FOXN2: variants seen among roughly 807,000 people sequenced by gnomAD.
The protein encoded by FOXN2 is forkhead box N2.
Under a neutral mutation model 41.2 loss-of-function variants are expected in FOXN2, and 19 were observed. The observed-to-expected ratio is 0.46, with a 90% CI of 0.32 to 0.68. The LOEUF is 0.68. Ranked by LOEUF, FOXN2 falls within the 30% of genes least tolerant of loss-of-function variation. FOXN2 has a pLI of 0.03. For missense variants in FOXN2, 587 were observed against 509.4 expected, an observed-to-expected ratio of 1.15 and a Z score of -1.47; for synonymous variants, 195 against 176.8, an observed-to-expected ratio of 1.10 and a Z score of -0.82.
intron 2 of FOXN2, among the ~76,000 whole-genome samples, chr2:48,339,246 C>G (rs1670575622): frequency 1.3e-5 from 2 of 152,218 alleles, no homozygotes; most frequent in African/African-American, 4.8e-5. Context: ...GGCTCTGAGT[C>G]CCCACCCAGA....
intron 2 of FOXN2, among the ~76,000 whole-genome samples, chr2:48,331,377 G>C (rs1558615815): frequency 6.6e-6 from 1 of 152,126 alleles, no homozygotes. Context: ...AATTAAAATT[G>C]AAAATGTAGC....
At chr2:48,331,157 T>A (rs1007597762) in intron 2 of FOXN2, among the ~76,000 whole-genome samples, 1 of 152,128 alleles carries the variant, frequency 6.6e-6, no homozygotes, top group Non-Finnish European at 1.5e-5. Context: ...AAGGAAAAAA[T>A]TAATTTGCCT....
chr2:48,327,119 G>A (rs1002620019), intron 1 of FOXN2, among the ~76,000 whole-genome samples: 15 of 151,810 alleles, frequency 9.9e-5, no homozygotes, highest in African/African-American at 3.1e-4. Flanking sequence ...TTTACGTCAC[G>A]TATATCCCAA....
chr2:48,349,409 C>G (rs57537506), intron 3 of FOXN2, among the ~76,000 whole-genome samples: 2 of 151,912 alleles, frequency 1.3e-5, no homozygotes, highest in Non-Finnish European at 2.9e-5. Context: ...TTTGAACCCT[C>G]GGAGGTTGCA....
chr2:48,328,278 T>C (rs1268683391), intron 1 of FOXN2, among the ~76,000 whole-genome samples: 1 of 152,224 alleles, frequency 6.6e-6, no homozygotes, highest in Non-Finnish European at 1.5e-5. Flanking sequence ...TCCCTTGATA[T>C]CATGGGGGAT....
intron 1 of FOXN2, among the ~76,000 whole-genome samples, chr2:48,327,088 G>C (rs1380109000): frequency 6.6e-6 from 1 of 152,142 alleles, no homozygotes; most frequent in East Asian, 1.9e-4. Context: ...TTTATCTCCA[G>C]ACCAGACCTC....
Position 48,346,727 on chromosome 2 carries a change from G to T in FOXN2, c.513G>T (p.Gln171His), listed in dbSNP as rs1047630459. The T allele has an allele frequency of 6.3e-7, 1 of 1,592,932 alleles. No individual in the cohort carries two copies. Among genetic ancestry groups the T allele is most frequent in the Non-Finnish European group, 8.5e-7 (1 of 1,172,650 alleles). ...ATCTGTCCCTGAATAAATGTTTTCAGAAAGTGGAAAGAAGCCATGGCAAGG... is the reference window on the plus strand; with the variant it reads ...ATCTGTCCCTGAATAAATGTTTTCATAAAGTGGAAAGAAGCCATGGCAAGG... ...RHNLSLNKCF[Q>H]KVERSHGKVN... Residue 171 changes from glutamine to histidine, a missense_variant, in exon 3 of 7, where the codon CAG becomes CAT. Gln to His is a conservative substitution (Grantham distance 24). Transcript: ENST00000340553.
chr2:48,347,653 T>C (rs1420135080), intron 3 of FOXN2, among the ~76,000 whole-genome samples: 1 of 152,158 alleles, frequency 6.6e-6, no homozygotes, highest in Non-Finnish European at 1.5e-5. Flanking sequence ...TAATTTATCA[T>C]TGGTCCACCT....
chr2:48,339,227 A>G (rs780389596), intron 2 of FOXN2, among the ~76,000 whole-genome samples: 31 of 152,132 alleles, frequency 2.0e-4, no homozygotes, highest in Non-Finnish European at 3.5e-4. Flanking sequence ...TTCAGAGTTG[A>G]TATGGTCTGG....
chr2:48,320,840 C>T (rs549148455), intron 1 of FOXN2, among the ~76,000 whole-genome samples: 78 of 152,256 alleles, frequency 5.1e-4, no homozygotes, highest in Non-Finnish European at 8.4e-4. Context: ...TTATAGAATG[C>T]TTACTCTGTG....
Position 48,377,735 on chromosome 2 carries a change from C to A in FOXN2, c.*2292C>A, listed in dbSNP as rs1363477105. 1 of 152,062 alleles carries A rather than the reference C, an allele frequency of 6.6e-6. No homozygotes were observed. The highest frequency in any genetic ancestry group is 2.1e-4 in the South Asian group (1 of 4,834). 9.4% of individuals were successfully genotyped at this position (152,062 alleles called of 1,614,324 possible). A position where few individuals can be genotyped will look rare whatever the true frequency, so the allele number is the denominator to read the frequency against. ...GAGGTTACACAATATTTTACAGTTT[C>A]TTAAACATAATTTAATGCATCACCT... On this transcript the variant is annotated 3_prime_UTR_variant, in exon 7 of 7. Coordinates refer to ENST00000340553, the MANE Select transcript of FOXN2 (RefSeq NM_002158.4).
chr2:48,319,298 C>G (rs528376186), intron 1 of FOXN2, among the ~76,000 whole-genome samples: 4 of 151,816 alleles, frequency 2.6e-5, no homozygotes, highest in South Asian at 2.1e-4. Context: ...AAACATTAAT[C>G]AAAGTTTTCA....
intron 5 of FOXN2, among the ~76,000 whole-genome samples, chr2:48,367,909 C>A (rs892531964): frequency 6.6e-6 from 1 of 152,220 alleles, no homozygotes; most frequent in Admixed American, 6.5e-5. Flanking sequence ...GTGGCACGAT[C>A]TTCGCTCACT....
intron 3 of FOXN2, among the ~76,000 whole-genome samples, chr2:48,347,533 T>TTTGTG: frequency 6.8e-6 from 1 of 148,130 alleles, no homozygotes; most frequent in South Asian, 2.2e-4. Flanking sequence ...AGCCGAGGTG[T>TTTGTG]TGTGTGTGTG....
intron 1 of FOXN2, among the ~76,000 whole-genome samples, chr2:48,318,136 C>G (rs1412088368): frequency 1.3e-5 from 2 of 151,990 alleles, no homozygotes; most frequent in Admixed American, 6.6e-5. Flanking sequence ...CAGAGTATAC[C>G]TCACCCAGTT....
chr2:48,359,599 T>C (rs1672043031), intron 4 of FOXN2, among the ~76,000 whole-genome samples: 1 of 148,038 alleles, frequency 6.8e-6, no homozygotes, highest in African/African-American at 2.5e-5. Flanking sequence ...CGGCCTGTTT[T>C]TTCTTTTCTT....
chr2:48,358,956 A>G (rs1482366743), intron 3 of FOXN2, 91 bp from the exon 4 acceptor site: 3 of 936,820 alleles, frequency 3.2e-6, no homozygotes, highest in East Asian at 2.6e-5. Context: ...GGTGCTAGAG[A>G]TTATTTACCC....
At chr2:48,328,421 A>G (rs1231259273) in intron 1 of FOXN2, 140 bp from the exon 2 acceptor site, 1 of 152,234 alleles carries the variant, frequency 6.6e-6, no homozygotes, top group African/African-American at 2.4e-5. Flanking sequence ...ATTACTTATA[A>G]TACCTAATAC....
chr2:48,357,715 C>T (rs956467729), intron 3 of FOXN2, among the ~76,000 whole-genome samples: 29 of 152,010 alleles, frequency 1.9e-4, no homozygotes, highest in African/African-American at 7.0e-4. Flanking sequence ...GGATTACAGA[C>T]GTGAGCCACC....
Sources: gnomAD v4.1 joint callset for allele counts (sites outside exome capture counted in the v4.1 genomes callset) on GRCh38, gnomAD v4.1.1 for gene constraint, MANE v1.5 for transcripts, NCBI Gene and HGNC (gene_info 2026-07-23, HGNC 2026-07-21) for gene names.